Variants in TBXAS1 observed in about 807,000 individuals in gnomAD.
The protein encoded by TBXAS1 is thromboxane-A synthase.
A neutral mutation model predicts 60.7 loss-of-function variants in TBXAS1; 48 were observed. The ratio of observed to expected loss-of-function variants is 0.79; its 90% CI spans 0.63 to 1.01. The LOEUF (loss-of-function observed/expected upper bound fraction) is 1.01. TBXAS1 is among the 50% of genes least tolerant of loss of function. The pLI is 0.00. For synonymous variants in TBXAS1, 287 were observed against 269.7 expected (o/e 1.06, Z -0.63); for missense variants, 685 against 686.3 (o/e 1.00, Z 0.02).
intron 6 of TBXAS1, 97 bp downstream of exon 6, chr7:139,953,553 C>A: frequency 1.7e-6 from 2 of 1,178,528 alleles, no homozygotes; most frequent in Non-Finnish European, 2.5e-6. Flanking sequence ...GACTAGCAAA[C>A]TGTGGAAACG....
rs1391736932 is a variant in TBXAS1 at position 139,957,758 on chromosome 7, C to T, written c.813C>T (p.Ala271=). 3 of 1,613,928 alleles carry T rather than the reference C, an allele frequency of 1.9e-6. No individual in the cohort carries two copies. The South Asian group carries it at 3.3e-5, about 18-fold the overall frequency. ...TTGCCTTGCGGGACCAGCAAGCTGC[C>T]GAAGAGGTAACGTATTTTAATAGGA... The part of the protein sequence containing the change: ...NVIALRDQQA[A]EERRRDFLQM... The change falls in exon 8 of 13, where the codon GCC becomes GCT. Residue 271 remains alanine, a synonymous_variant. Transcript: ENST00000448866.
chr7:139,818,129 T>C (rs1448594634), intron 4 of TBXAS1, among the ~76,000 whole-genome samples: 2 of 152,162 alleles, frequency 1.3e-5, no homozygotes, highest in Admixed American at 6.6e-5. Context: ...TGAGTAGGAT[T>C]GGGGTGCTGT....
chr7:139,921,877 A>C (rs1806500359), intron 4 of TBXAS1, among the ~76,000 whole-genome samples: 1 of 152,172 alleles, frequency 6.6e-6, no homozygotes. Flanking sequence ...GAGTAGGTGC[A>C]TGGTGGGTTT....
intron 5 of TBXAS1, among the ~76,000 whole-genome samples, chr7:139,951,863 G>A (rs1238574701): frequency 1.2e-5 from 1 of 86,230 alleles, no homozygotes; most frequent in African/African-American, 5.3e-5. Flanking sequence ...AGGAAGGAAA[G>A]AAGGAAGGAA....
intron 4 of TBXAS1, among the ~76,000 whole-genome samples, chr7:139,813,060 TAAATAAAATAAAATAAATAAAATAAAATA>T (rs1354639630): frequency 3.1e-3 from 428 of 139,310 alleles, no homozygotes; most frequent in African/African-American, 0.011. Flanking sequence ...CGGTCTCAAA[TAAATAAAATAAAATAAATAAAATAAAATA>T]AAATAAAATA....
intron 3 of TBXAS1, among the ~76,000 whole-genome samples, chr7:139,889,648 G>T (rs1054654204): frequency 1.3e-5 from 2 of 152,196 alleles, no homozygotes; most frequent in Non-Finnish European, 2.9e-5. Context: ...TCATTGTCTG[G>T]TGAGGGCTCA....
intron 3 of TBXAS1, among the ~76,000 whole-genome samples, chr7:139,905,017 TTC>T (rs1185010989): frequency 2.8e-5 from 2 of 70,838 alleles, no homozygotes; most frequent in South Asian, 5.6e-4. Context: ...CTTTCTTTCT[TTC>T]TTTCTTTCTT....
At chr7:140,007,449 T>G (rs1814178850) in intron 10 of TBXAS1, among the ~76,000 whole-genome samples, 1 of 152,264 alleles carries the variant, frequency 6.6e-6, no homozygotes, top group Admixed American at 6.5e-5. Context: ...CTCCTAGCCT[T>G]TGCTGGCTTT....
intron 4 of TBXAS1, among the ~76,000 whole-genome samples, chr7:139,793,053 G>C (rs1385294033): frequency 6.6e-6 from 1 of 152,132 alleles, no homozygotes; most frequent in Non-Finnish European, 1.5e-5. Flanking sequence ...TCTACTATGG[G>C]AATGGTATAA....
chr7:139,976,324 C>T (rs1426228828), intron 9 of TBXAS1, among the ~76,000 whole-genome samples: 5 of 152,118 alleles, frequency 3.3e-5, no homozygotes, highest in African/African-American at 9.7e-5. Context: ...GGTTGGGAGC[C>T]GGGGGACAGC....
chr7:139,991,408 A>T (rs1313006059), intron 9 of TBXAS1, among the ~76,000 whole-genome samples: 1 of 148,024 alleles, frequency 6.8e-6, no homozygotes, highest in Non-Finnish European at 1.5e-5. Context: ...ACCCCCAGGG[A>T]CTGTGCATCA....
intron 4 of TBXAS1, among the ~76,000 whole-genome samples, chr7:139,795,942 G>A (rs1359220312): frequency 6.6e-6 from 1 of 151,992 alleles, no homozygotes; most frequent in African/African-American, 2.4e-5. Flanking sequence ...CTCTGCAGTA[G>A]TTCTTAATTT....
chr7:139,788,219 G>A (rs1343867997), intron 4 of TBXAS1, among the ~76,000 whole-genome samples: 1 of 152,202 alleles, frequency 6.6e-6, no homozygotes, highest in African/African-American at 2.4e-5. Context: ...CAAGTTCACA[G>A]ATCCCCTGAA....
At chr7:139,906,030 A>T in intron 3 of TBXAS1, 1 of 332,742 alleles carries the variant, frequency 3.0e-6, no homozygotes, top group Non-Finnish European at 5.9e-6. Context: ...ATAAGGTATG[A>T]GGTTCATATT....
intron 1 of TBXAS1, among the ~76,000 whole-genome samples, chr7:139,860,631 A>G (rs1800895139): frequency 6.6e-6 from 1 of 152,170 alleles, no homozygotes; most frequent in Middle Eastern, 3.2e-3. Flanking sequence ...CAGTGTGAGG[A>G]CTGGAAGCAG....
In TBXAS1 at chr7:139,874,364, A is replaced by G. The variant is rs368105124; in HGVS notation, c.184-1221A>G. ...ATTAACATTCTGAGGAAAACGGCGT[A>G]GCTGTCGACATGAGGAGAACGCTGT... On this transcript the variant is annotated intron_variant, in intron 2 of 12. Transcript: ENST00000448866. Among the ~76,000 whole-genome samples, 77 of 152,354 alleles carry G rather than the reference A, an allele frequency of 5.1e-4. 2 individuals are homozygous for G. The South Asian group carries it at 0.015, about 30-fold the overall frequency.
intron 1 of TBXAS1, among the ~76,000 whole-genome samples, chr7:139,851,478 G>A (rs568474833): frequency 3.9e-5 from 6 of 152,304 alleles, no homozygotes; most frequent in African/African-American, 1.2e-4. Flanking sequence ...ACAGTTTTCT[G>A]AAATCTTTAA....
intron 1 of TBXAS1, among the ~76,000 whole-genome samples, chr7:139,839,337 G>A (rs1449511147): frequency 6.6e-6 from 1 of 152,196 alleles, no homozygotes; most frequent in Non-Finnish European, 1.5e-5. Flanking sequence ...CTTTAGGCGT[G>A]AGGTTTCAGG....
intron 3 of TBXAS1, among the ~76,000 whole-genome samples, chr7:139,907,287 T>C (rs1418854096): frequency 6.6e-6 from 1 of 152,210 alleles, no homozygotes; most frequent in Admixed American, 6.5e-5. Flanking sequence ...TATAATCACA[T>C]AATTTTTTAT....
Sources: gnomAD v4.1 joint callset for allele counts (sites outside exome capture counted in the v4.1 genomes callset) on GRCh38, gnomAD v4.1.1 for gene constraint, MANE v1.5 for transcripts, NCBI Gene and HGNC (gene_info 2026-07-23, HGNC 2026-07-21) for gene names.